DOK7: variants seen among roughly 807,000 people sequenced by gnomAD.
DOK7 encodes the protein docking protein 7.
A neutral mutation model predicts 30.7 loss-of-function variants in DOK7; 32 were observed. The ratio of observed to expected loss-of-function variants is 1.04; its 90% CI spans 0.79 to 1.40. The LOEUF (loss-of-function observed/expected upper bound fraction) is 1.40, where lower values mean the gene tolerates loss of function less well. Ranked by LOEUF, DOK7 falls within the 40% of genes most tolerant of loss-of-function variation. The pLI is 0.00. For missense variants in DOK7, 1,007 were observed against 699.2 expected (o/e 1.44, Z -4.97); for synonymous variants, 447 against 324.1 (o/e 1.38, Z -4.07).
rs752403967 is a variant in DOK7 at position 3,463,342 on chromosome 4, G to A, written c.-34G>A. 1 of 1,445,536 alleles carries A rather than the reference G, an allele frequency of 6.9e-7. No individual in the cohort carries two copies. The highest frequency in any genetic ancestry group is 9.0e-7 in the Non-Finnish European group (1 of 1,111,524). The allele number at this position is 1,445,536 out of a possible 1,614,324, so 89.5% of individuals were successfully genotyped here. A position where few individuals can be genotyped will look rare whatever the true frequency, so the allele number is the denominator to read the frequency against. On this transcript the variant is annotated 5_prime_UTR_variant, in exon 1 of 7. Coordinates refer to ENST00000340083, the MANE Select transcript of DOK7 (RefSeq NM_173660.5). ...AAAGTGACCCTGGGCTGGGGCGCCG[G>A]GGCGAGCGCGGCGGCGCGGAACCAT...
downstream of DOK7, among the ~76,000 whole-genome samples, chr4:3,494,804 C>G (rs1728810879): frequency 6.6e-6 from 1 of 152,180 alleles, no homozygotes; most frequent in African/African-American, 2.4e-5. Flanking sequence ...GAGGGCGGAC[C>G]TCAGGAGGGG....
intron 2 of DOK7, among the ~76,000 whole-genome samples, chr4:3,467,276 C>T (rs532290785): frequency 3.9e-4 from 59 of 151,988 alleles, no homozygotes; most frequent in African/African-American, 1.4e-3. Context: ...CGGCTTCTCC[C>T]CCTCCTCCTT....
chr4:3,497,972 A>G (rs1729004568), downstream of DOK7, among the ~76,000 whole-genome samples: 1 of 152,174 alleles, frequency 6.6e-6, no homozygotes, highest in Non-Finnish European at 1.5e-5. Flanking sequence ...GTGCCCTGGG[A>G]CACAGGTGTG....
At chr4:3,484,877 G>T in intron 4 of DOK7, 10 of 985,468 alleles carry the variant, frequency 1.0e-5, no homozygotes, top group Non-Finnish European at 1.2e-5. Context: ...ACATCTGAAT[G>T]CAGCCCTCCC....
intron 2 of DOK7, among the ~76,000 whole-genome samples, chr4:3,467,888 G>C (rs1308343213): frequency 6.6e-6 from 1 of 152,200 alleles, no homozygotes; most frequent in Non-Finnish European, 1.5e-5. Flanking sequence ...ATATGGTGTA[G>C]GGGGAGGAAG....
chr4:3,492,461 A>G (rs1381385454), intron 6 of DOK7, among the ~76,000 whole-genome samples: 10 of 90,176 alleles, frequency 1.1e-4, no homozygotes, highest in Non-Finnish European at 2.2e-4. Flanking sequence ...GGGGAGCTCT[A>G]GGGAAGGGGA....
intron 4 of DOK7, among the ~76,000 whole-genome samples, chr4:3,483,525 A>T (rs1162377046): frequency 6.6e-6 from 1 of 152,302 alleles, no homozygotes; most frequent in South Asian, 2.1e-4. Flanking sequence ...TCGCGTGGGC[A>T]CGTGGGAGCC....
intron 2 of DOK7, 68 bp from the exon 3 acceptor site, chr4:3,473,338 C>T: frequency 2.0e-6 from 3 of 1,528,842 alleles, no homozygotes; most frequent in Non-Finnish European, 2.7e-6. Context: ...GTCACGGCCT[C>T]CCCGGGGACG....
At chr4:3,488,883 G>C (rs2109385155) in intron 5 of DOK7, among the ~76,000 whole-genome samples, 1 of 152,046 alleles carries the variant, frequency 6.6e-6, no homozygotes, top group East Asian at 1.9e-4. Flanking sequence ...GCTGTTTGGA[G>C]CAAGGTAGCC....
intron 6 of DOK7, among the ~76,000 whole-genome samples, chr4:3,491,185 CCCCCTGCTCATTCCTT>C (rs1318141600): frequency 1.8e-4 from 2 of 10,896 alleles, no homozygotes; most frequent in Non-Finnish European, 3.8e-4. Context: ...TCATTCCTTC[CCCCCTGCTCATTCCTT>C]CCCCCCTGCT....
At chr4:3,475,384 G>T (rs1041037031) in intron 3 of DOK7, among the ~76,000 whole-genome samples, 2 of 152,372 alleles carry the variant, frequency 1.3e-5, no homozygotes, top group South Asian at 2.1e-4. Context: ...GGCAGAGAAG[G>T]GGGAGGTGGG....
chr4:3,472,657 C>T (rs1391918914), intron 2 of DOK7, among the ~76,000 whole-genome samples: 2 of 152,264 alleles, frequency 1.3e-5, no homozygotes, highest in Non-Finnish European at 2.9e-5. Flanking sequence ...TGAGCTGCAC[C>T]TGGTGGAGTA....
At chr4:3,488,533 G>A (rs1297388337) in intron 5 of DOK7, among the ~76,000 whole-genome samples, 2 of 152,234 alleles carry the variant, frequency 1.3e-5, no homozygotes, top group Non-Finnish European at 2.9e-5. Context: ...CCGCCAGGCT[G>A]GGTTCTGTCC....
In DOK7 at chr4:3,493,516, G is replaced by A. The variant is rs377201269; in HGVS notation, c.*15G>A. ...CCCCTCCTTGAGAGCCGCAGATCCC[G>A]CCCCGCGGCTGCAAAGGGGCTGAAT... On this transcript the variant is annotated 3_prime_UTR_variant, in exon 7 of 7. Coordinates refer to ENST00000340083, the MANE Select transcript of DOK7 (RefSeq NM_173660.5). 1.0e-4 allele frequency: 165 copies of A among 1,609,128 alleles called. No homozygotes were observed. Among genetic ancestry groups the A allele is most frequent in the Middle Eastern group, 1.7e-4 (1 of 5,964 alleles).
chr4:3,476,399 C>CCCTG lies in DOK7; in HGVS notation c.391_394dup (p.His132ProfsTer6). Reference sequence around the variant, plus strand: ...ACCAAGTTGGAGAGCGGCCCGGCTACCCTGCACCTCTGCAATGATGTCCTC... The same window carrying CCCTG: ...ACCAAGTTGGAGAGCGGCCCGGCTACCCTGCCTGCACCTCTGCAATGATGTCCTC... On this transcript the variant is annotated frameshift_variant, in exon 4 of 7. Transcript: ENST00000340083. LOFTEE classifies it high-confidence loss of function. 6.2e-7 allele frequency: 1 copy of CCCTG among 1,613,250 alleles called. No homozygotes were observed. Among genetic ancestry groups the CCCTG allele is most frequent in the Non-Finnish European group, 8.5e-7 (1 of 1,180,014 alleles).
At chr4:3,484,505 G>T (rs901195898) in intron 4 of DOK7, 16 of 985,402 alleles carry the variant, frequency 1.6e-5, no homozygotes, top group Non-Finnish European at 1.8e-5. Context: ...GGTGACGCCA[G>T]CCGGAGTGTC....
rs1246199261 is a variant in DOK7 at position 3,493,858 on chromosome 4, G to C, written c.*357G>C. The C allele has an allele frequency of 1.7e-6, 2 of 1,162,346 alleles. No homozygotes were observed. Among genetic ancestry groups the C allele is most frequent in the African/African-American group, 1.6e-5 (1 of 61,796 alleles). The allele number at this position is 1,162,346 out of a possible 1,614,324, so 72.0% of individuals were successfully genotyped here. A position where few individuals can be genotyped will look rare whatever the true frequency, so the allele number is the denominator to read the frequency against. On this transcript the variant is annotated 3_prime_UTR_variant, in exon 7 of 7. Transcript: ENST00000340083. ...CCAAGGGCTGGAGGCCCTGCCGCTG[G>C]CCTTGTCCTCCTTGGGCCTCACGCC...
At chr4:3,472,371 A>T (rs752604942) in intron 2 of DOK7, among the ~76,000 whole-genome samples, 4 of 152,244 alleles carry the variant, frequency 2.6e-5, no homozygotes, top group Admixed American at 2.6e-4. Context: ...ATTCTCCCCA[A>T]TCCCCTCCTG....
At position 3,492,833 on chromosome 4, in the gene DOK7, G is replaced by C. The variant is rs139429423; in HGVS notation, c.847G>C (p.Ala283Pro). 1.2e-6 allele frequency: 2 copies of C among 1,612,104 alleles called. No individual in the cohort carries two copies. The highest frequency in any genetic ancestry group is 2.2e-5 in the East Asian group (1 of 44,886). The stretch of plus-strand genomic sequence containing the variant: ...CGTCAGCGCCAGCAGCCGGCTCACC[G>C]CATGGCCAGAGCAATCCTCGTCGTC... ...LDVSASSRLT[A>P]WPEQSSSSAS... is the part of the protein sequence containing the mutation. Residue 283 changes from alanine (A) to proline (P), a missense_variant, in exon 7 of 7, where the codon GCA becomes CCA. Physicochemically the swap from Ala to Pro is conservative, Grantham distance 27. Coordinates refer to ENST00000340083, the MANE Select transcript of DOK7 (RefSeq NM_173660.5).
Sources: allele counts gnomAD v4.1 joint callset (sites outside exome capture counted in the v4.1 genomes callset), GRCh38; gene constraint gnomAD v4.1.1; transcripts MANE v1.5; gene names NCBI Gene and HGNC (gene_info 2026-07-23, HGNC 2026-07-21).